Variants in NNT observed in about 807,000 individuals in gnomAD.
NNT encodes NAD(P) transhydrogenase, mitochondrial.
NNT carries 50 observed loss-of-function variants against 104.8 expected under a neutral mutation model. That is an observed-to-expected ratio of 0.48 (90% CI 0.38 to 0.60). The LOEUF is 0.60. NNT is among the 20% of genes least tolerant of loss of function. NNT has a pLI of 0.00. For synonymous variants in NNT, 461 were observed against 490.4 expected, an observed-to-expected ratio of 0.94 and a Z score of 0.79; for missense variants, 1,131 against 1,330.7, an observed-to-expected ratio of 0.85 and a Z score of 2.33.
chr5:43,657,998 G>C (rs1461190400), intron 16 of NNT, among the ~76,000 whole-genome samples: 1 of 152,040 alleles, frequency 6.6e-6, no homozygotes, highest in Non-Finnish European at 1.5e-5. Context: ...AGCCGGGTGT[G>C]GTAGTCTGCG....
At chr5:43,663,322 A>T (rs1740470043) in intron 17 of NNT, among the ~76,000 whole-genome samples, 1 of 152,270 alleles carries the variant, frequency 6.6e-6, no homozygotes, top group East Asian at 1.9e-4. Context: ...GGCTTTTGAT[A>T]TTACTAAATT....
Position 43,682,505 on chromosome 5 carries a change from T to G in NNT, c.2876+4699T>G, listed in dbSNP as rs142455786. On this transcript the variant is annotated intron_variant, in intron 19 of 21. Coordinates refer to ENST00000344920, the MANE Select transcript of NNT (RefSeq NM_182977.3). ...GGATTACAGGCGTGAGCCACCACACTCAGGCAGGATTTTCCTGTTTTTCAT... is the reference window on the plus strand; with the variant it reads ...GGATTACAGGCGTGAGCCACCACACGCAGGCAGGATTTTCCTGTTTTTCAT... Among the ~76,000 whole-genome samples, 237 of 152,258 alleles carry G rather than the reference T, an allele frequency of 1.6e-3. 1 individual carries two copies. The highest frequency in any genetic ancestry group is 3.3e-3 in the Admixed American group (50 of 15,292).
At chr5:43,628,079 G>C (rs1750461045) in intron 6 of NNT, 121 bp from the exon 7 acceptor site, 1 of 678,042 alleles carries the variant, frequency 1.5e-6, no homozygotes, top group Admixed American at 3.1e-5. Flanking sequence ...CGAAATCAAA[G>C]GGACTGTTGA....
intron 19 of NNT, among the ~76,000 whole-genome samples, chr5:43,692,306 A>G (rs1742325731): frequency 6.6e-6 from 1 of 152,058 alleles, no homozygotes; most frequent in Non-Finnish European, 1.5e-5. Flanking sequence ...AACTCCCTAG[A>G]CTGAACATGT....
chr5:43,622,151 G>T (rs1157193046), intron 5 of NNT, among the ~76,000 whole-genome samples: 1 of 152,246 alleles, frequency 6.6e-6, no homozygotes, highest in South Asian at 2.1e-4. Context: ...GGCGGCACCA[G>T]AAATGTAGAG....
intron 5 of NNT, among the ~76,000 whole-genome samples, chr5:43,623,462 G>T (rs1418275132): frequency 1.3e-5 from 2 of 152,148 alleles, no homozygotes; most frequent in African/African-American, 4.8e-5. Flanking sequence ...TAGTTACATT[G>T]CTTCAGACTT....
At chr5:43,610,688 A>G (rs1749455235) in intron 2 of NNT, among the ~76,000 whole-genome samples, 1 of 152,172 alleles carries the variant, frequency 6.6e-6, no homozygotes. Flanking sequence ...ACAAGTCACA[A>G]TTGGCAGGGT....
intron 1 of NNT, among the ~76,000 whole-genome samples, chr5:43,606,532 A>G (rs557802425): frequency 4.9e-4 from 74 of 152,342 alleles, no homozygotes; most frequent in Admixed American, 8.5e-4. Flanking sequence ...ATGTGGAAAC[A>G]CTTTGAACAT....
rs2111805199 is a variant in NNT, at chr5:43,613,079, T to A, written c.323T>A (p.Val108Glu). 6.2e-7 allele frequency: 1 copy of A among 1,614,060 alleles called. No homozygotes were observed. The highest frequency in any genetic ancestry group is 1.3e-5 in the African/African-American group (1 of 75,024). Residue 108 changes from valine (V) to glutamate (E), a missense_variant, in exon 3 of 22, where the codon GTG becomes GAG. Coordinates refer to ENST00000344920, the MANE Select transcript of NNT (RefSeq NM_182977.3). ...AAGTTCTCAGATGATCACTATAGAG[T>A]GGCAGGTGCCCAAATCCAAGGGGCA... ...ASKFSDDHYRVAGAQIQGAKE... is the reference protein window; with the variant it reads ...ASKFSDDHYREAGAQIQGAKE...
intron 16 of NNT, among the ~76,000 whole-genome samples, 197 bp from the exon 17 acceptor site, chr5:43,658,970 AGGGG>A (rs1239245174): frequency 3.3e-5 from 5 of 151,424 alleles, no homozygotes; most frequent in African/African-American, 1.2e-4. Flanking sequence ...ATTTTTTTTT[AGGGG>A]GGTGGGTGGC....
At chr5:43,701,300 T>G (rs564115190) in intron 20 of NNT, among the ~76,000 whole-genome samples, 119 of 152,284 alleles carry the variant, frequency 7.8e-4, no homozygotes, top group Middle Eastern at 3.4e-3. Context: ...GTACCCAGTG[T>G]TTAGCTCCCA....
intron 1 of NNT, among the ~76,000 whole-genome samples, chr5:43,608,221 G>A (rs112282765): frequency 0.015 from 2,213 of 152,292 alleles, 18 homozygotes; most frequent in African/African-American, 0.018. Context: ...AAGCCACTGC[G>A]CCTGGCTTCT....
intron 17 of NNT, chr5:43,666,932 G>C (rs1740732761): frequency 2.5e-6 from 4 of 1,582,378 alleles, no homozygotes; most frequent in Non-Finnish European, 2.6e-6. Context: ...AGCTTGGGGT[G>C]GGCAATGTAG....
intron 17 of NNT, among the ~76,000 whole-genome samples, chr5:43,672,402 C>T (rs1035204881): frequency 6.6e-6 from 1 of 152,224 alleles, no homozygotes; most frequent in Admixed American, 6.5e-5. Context: ...TGTATTTTCC[C>T]CATCTTTGTG....
Position 43,651,859 on chromosome 5 carries a change from T to G in NNT, c.1838T>G (p.Leu613Arg). ...GTFVGGYLAA[L>R]YSGYNIEQIM... ...TTTGTTGGTGGATATTTAGCTGCCCTCTACAGTGGTTATAACATTGAACAG... is the reference window on the plus strand; with the variant it reads ...TTTGTTGGTGGATATTTAGCTGCCCGCTACAGTGGTTATAACATTGAACAG... Residue 613 changes from leucine (L) to arginine (R), a missense_variant, in exon 13 of 22, where the codon CTC (leucine) becomes CGC (arginine). By Grantham distance (102) the Leu-to-Arg change is moderately radical. Coordinates refer to ENST00000344920, the MANE Select transcript of NNT (RefSeq NM_182977.3). The G allele has an allele frequency of 1.9e-6, 3 of 1,614,220 alleles. No individual in the cohort carries two copies. Among genetic ancestry groups the G allele is most frequent in the Admixed American group, 3.3e-5 (2 of 60,024 alleles).
chr5:43,676,503 A>G (rs1328819331), intron 18 of NNT, among the ~76,000 whole-genome samples: 1 of 152,314 alleles, frequency 6.6e-6, no homozygotes, highest in East Asian at 1.9e-4. Flanking sequence ...GGCATTTGAA[A>G]TAGGTGGATT....
chr5:43,687,766 C>G (rs961277091), intron 19 of NNT, among the ~76,000 whole-genome samples: 1 of 152,120 alleles, frequency 6.6e-6, no homozygotes, highest in African/African-American at 2.4e-5. Context: ...CCCTTTACAA[C>G]TAGCTCAACA....
At chr5:43,630,849 T>C (rs1750637722) in intron 7 of NNT, among the ~76,000 whole-genome samples, 1 of 152,206 alleles carries the variant, frequency 6.6e-6, no homozygotes. Flanking sequence ...CTTAAAGGGT[T>C]CTTGGTTGCT....
chr5:43,700,107 T>C lies in NNT; in HGVS notation c.2877-12T>C. On this transcript the variant is annotated splice_polypyrimidine_tract_variant and intron_variant, in intron 19 of 21. Transcript: ENST00000344920. The stretch of plus-strand genomic sequence containing the variant: ...TCAAGTAAGGCCAGCTCTTCATTTG[T>C]TTCATGTCTAGGTTTGGAATTCACC... 2 of 1,606,200 alleles carry C rather than the reference T, an allele frequency of 1.2e-6. No individual in the cohort carries two copies. The highest frequency in any genetic ancestry group is 1.7e-6 in the Non-Finnish European group (2 of 1,174,104).
Sources: allele counts gnomAD v4.1 joint callset (sites outside exome capture counted in the v4.1 genomes callset), GRCh38; gene constraint gnomAD v4.1.1; transcripts MANE v1.5; gene names NCBI Gene and HGNC (gene_info 2026-07-23, HGNC 2026-07-21).